Variants in PODN observed in about 807,000 individuals in gnomAD.
The protein encoded by PODN is podocan.
PODN carries 40 observed loss-of-function variants against 52.7 expected under a neutral mutation model. That is an observed-to-expected ratio of 0.76 (90% CI 0.59 to 0.99). The LOEUF (loss-of-function observed/expected upper bound fraction) is 0.99. Among genes scored for constraint, PODN ranks in the 50% least tolerant of loss-of-function variants. The pLI, the probability that PODN is intolerant of heterozygous loss-of-function variation, is 0.00. For missense variants in PODN, 720 were observed against 815.1 expected (o/e 0.88, Z 1.42); for synonymous variants, 396 against 377.9 (o/e 1.05, Z -0.56).
At chr1:53,080,905 A>G in intron 9 of PODN, 29 bp downstream of exon 9, 2 of 1,610,072 alleles carry the variant, frequency 1.2e-6, no homozygotes, top group Non-Finnish European at 1.7e-6. Context: ...CCCTGTACAC[A>G]CCCCCGTGGG....
chr1:53,081,449 G>C (rs1299870305), intron 9 of PODN, among the ~76,000 whole-genome samples: 1 of 152,222 alleles, frequency 6.6e-6, no homozygotes, highest in Non-Finnish European at 1.5e-5. Context: ...CCCTGGGCTC[G>C]ATGATATCAG....
intron 4 of PODN, 101 bp downstream of exon 4, chr1:53,074,771 GC>G: frequency 8.3e-7 from 1 of 1,210,298 alleles, no homozygotes; most frequent in Non-Finnish European, 1.2e-6. Context: ...TGGACTCCCT[GC>G]TGGGTCCTTG....
intron 1 of PODN, among the ~76,000 whole-genome samples, chr1:53,065,576 C>T (rs2150291079): frequency 6.6e-6 from 1 of 152,346 alleles, no homozygotes. Flanking sequence ...AGGGGCAGGC[C>T]CCTTAGCCCT....
intron 4 of PODN, among the ~76,000 whole-genome samples, chr1:53,075,617 C>T (rs556722317): frequency 5.8e-4 from 89 of 152,322 alleles, no homozygotes; most frequent in Non-Finnish European, 1.0e-3. Context: ...CGGGATGAAC[C>T]CAGGAGGACG....
At chr1:53,082,410 G>A (rs776073462) in intron 10 of PODN, among the ~76,000 whole-genome samples, 1 of 152,224 alleles carries the variant, frequency 6.6e-6, no homozygotes, top group Non-Finnish European at 1.5e-5. Flanking sequence ...CAGCATGAGG[G>A]TGCTGTCACG....
chr1:53,062,339 A>T, intron 1 of PODN, 31 bp downstream of exon 1: 1 of 1,234,926 alleles, frequency 8.1e-7, no homozygotes, highest in Non-Finnish European at 1.0e-6. Flanking sequence ...GGGTGGGCCG[A>T]GGGGCCGGGG....
At position 53,078,434 on chromosome 1, in the gene PODN, G is replaced by C; in HGVS notation, c.924G>C (p.Pro308=). 1.2e-6 allele frequency: 2 copies of C among 1,613,392 alleles called. No homozygotes were observed. The highest frequency in any genetic ancestry group is 1.7e-6 in the Non-Finnish European group (2 of 1,179,982). The change falls in exon 8 of 11, where the codon CCG becomes CCC. Residue 308 remains proline, a synonymous_variant. Coordinates refer to ENST00000312553, the MANE Select transcript of PODN (RefSeq NM_153703.5). ...NNLSRVPAGL[P]RSLVLLHLEK... is the part of the protein sequence containing the mutation. ...TGTCTCGGGTCCCAGCTGGGCTGCC[G>C]CGCAGCCTGGTGCTGCTGCACTTGG...
At chr1:53,065,388 T>C (rs555801832) in intron 1 of PODN, among the ~76,000 whole-genome samples, 1 of 150,884 alleles carries the variant, frequency 6.6e-6, no homozygotes, top group Admixed American at 6.6e-5. Flanking sequence ...AAATTTAGAC[T>C]CAGATGGGTC....
At position 53,078,974 on chromosome 1, in the gene PODN, C is replaced by T. The variant is rs746091917; in HGVS notation, c.1464C>T (p.Arg488=). 9.5e-6 allele frequency: 15 copies of T among 1,573,528 alleles called. No homozygotes were observed. Among genetic ancestry groups the T allele is most frequent in the Non-Finnish European group, 1.3e-5 (15 of 1,159,198 alleles). ...TGTACCTCACCAGCAACCGACTGCG[C>T]AGCCGAGCCCTGGGCCCCCGTGCCT... ...RELYLTSNRL[R]SRALGPRAWV... The change falls in exon 8 of 11, where the codon CGC becomes CGT. Residue 488 remains arginine (R), a synonymous_variant. Coordinates refer to ENST00000312553, the MANE Select transcript of PODN (RefSeq NM_153703.5).
At chr1:53,066,971 C>T (rs1013506413) in intron 1 of PODN, 17 of 1,196,150 alleles carry the variant, frequency 1.4e-5, no homozygotes, top group African/African-American at 3.1e-5. Flanking sequence ...CCCACACTCT[C>T]GCTCTTAGAA....
At chr1:53,068,038 G>T (rs1026123606) in intron 1 of PODN, among the ~76,000 whole-genome samples, 26 of 152,136 alleles carry the variant, frequency 1.7e-4, no homozygotes, top group Non-Finnish European at 3.2e-4. Flanking sequence ...CCATGCCCAT[G>T]GAACAGACAA....
chr1:53,063,183 C>CG (rs1405370170), intron 1 of PODN, among the ~76,000 whole-genome samples: 3 of 152,098 alleles, frequency 2.0e-5, no homozygotes. Context: ...CTGGCAGCCT[C>CG]GGGGGCTGGG....
In PODN at chr1:53,078,492, G is replaced by T. The variant is rs759753836; in HGVS notation, c.982G>T (p.Val328Leu). The change falls in exon 8 of 11, where the codon GTG becomes TTG. Residue 328 changes from valine (V) to leucine (L), a missense_variant. Val to Leu is a conservative substitution (Grantham distance 32, BLOSUM62 1). Coordinates refer to ENST00000312553, the MANE Select transcript of PODN (RefSeq NM_153703.5). Reference protein sequence around the residue: ...KNAIRSVDANVLTPIRSLEYL... With the variant: ...KNAIRSVDANLLTPIRSLEYL... ...CGCCATCCGGAGCGTGGACGCGAAT[G>T]TGCTGACCCCCATCCGCAGCCTGGA... The T allele has an allele frequency of 2.5e-5, 41 of 1,613,356 alleles. No homozygotes were observed. The highest frequency in any genetic ancestry group is 3.3e-5 in the Admixed American group (2 of 60,034).
At position 53,070,339 on chromosome 1, in the gene PODN, G is replaced by A. The variant is rs113972333; in HGVS notation, c.312+172G>A. Among the ~76,000 whole-genome samples, 13 of 152,308 alleles carry A rather than the reference G, an allele frequency of 8.5e-5. 1 individual carries two copies. The highest frequency in any genetic ancestry group is 2.6e-4 in the African/African-American group (11 of 41,558). ...AGGTCAGATTTCTGGGGCCCTGGCC[G>A]CACCAGGTGACACTCTCCTGATGTC... is the stretch of plus-strand genomic sequence containing the variant. On this transcript the variant is annotated intron_variant, in intron 2 of 10. Coordinates refer to ENST00000312553, the MANE Select transcript of PODN (RefSeq NM_153703.5).
At chr1:53,073,838 AG>A (rs1644154767) in intron 3 of PODN, 1 of 152,268 alleles carries the variant, frequency 6.6e-6, no homozygotes, top group African/African-American at 2.4e-5. Context: ...TCAGCGGTGC[AG>A]CCAGCACCAC....
chr1:53,071,486 A>G (rs1032770305), intron 2 of PODN, 49 bp from the exon 3 acceptor site: 2 of 1,489,724 alleles, frequency 1.3e-6, no homozygotes, highest in African/African-American at 2.8e-5. Context: ...AGTCCAGGGC[A>G]CACCCCACTA....
chr1:53,075,390 G>A lies in PODN; in HGVS notation c.472-472G>A, dbSNP rs56790815. Among the ~76,000 whole-genome samples the A allele has an allele frequency of 6.5e-4, 99 of 152,306 alleles. 2 individuals carry two copies. The East Asian group carries it at 0.018, about 28-fold the overall frequency. On this transcript the variant is annotated intron_variant, in intron 4 of 10. Transcript: ENST00000312553. Reference sequence around the variant, plus strand: ...GCCCCACTGGTCCAAGCCACAAATGGTGCCTCTGGGCCCTGAGCTTCCTCA... The same window carrying A: ...GCCCCACTGGTCCAAGCCACAAATGATGCCTCTGGGCCCTGAGCTTCCTCA...
At chr1:53,077,367 GAGGGGCACAGC>G (rs781537946) in intron 6 of PODN, 21 bp downstream of exon 6, 10 of 1,611,866 alleles carry the variant, frequency 6.2e-6, no homozygotes, top group Non-Finnish European at 2.5e-6. Flanking sequence ...GAGGGGTAAG[GAGGGGCACAGC>G]AGACCCCACA....
intron 1 of PODN, chr1:53,066,701 T>C: frequency 2.1e-6 from 2 of 966,170 alleles, no homozygotes; most frequent in South Asian, 1.6e-5. Context: ...TTAACAGCTG[T>C]TCACTGGCTG....
Sources: gnomAD v4.1 joint callset for allele counts (sites outside exome capture counted in the v4.1 genomes callset) on GRCh38, gnomAD v4.1.1 for gene constraint, MANE v1.5 for transcripts, NCBI Gene and HGNC (gene_info 2026-07-23, HGNC 2026-07-21) for gene names.